Variants in TMPRSS15 observed in about 807,000 individuals in gnomAD.
TMPRSS15 encodes the protein transmembrane serine protease 15.
Under a neutral mutation model 125.3 loss-of-function variants are expected in TMPRSS15, and 128 were observed. That is an observed-to-expected ratio of 1.02 (90% CI 0.89 to 1.18). The LOEUF is 1.18. Ranked by LOEUF, TMPRSS15 falls within the 50% of genes most tolerant of loss-of-function variation. The pLI, the probability that TMPRSS15 is intolerant of heterozygous loss-of-function variation, is 0.00. For missense variants in TMPRSS15, 1,283 were observed against 1,212.7 expected, an observed-to-expected ratio of 1.06 and a Z score of -0.86; for synonymous variants, 446 against 423.2, an observed-to-expected ratio of 1.05 and a Z score of -0.66.
intron 10 of TMPRSS15, among the ~76,000 whole-genome samples, chr21:18,351,121 C>T (rs1482673721): frequency 6.6e-6 from 1 of 151,978 alleles, no homozygotes; most frequent in African/African-American, 2.4e-5. Context: ...CTAAATGTCA[C>T]TCACAATTTA....
intron 16 of TMPRSS15, among the ~76,000 whole-genome samples, chr21:18,318,336 C>T (rs1293859030): frequency 2.6e-5 from 4 of 152,114 alleles, no homozygotes; most frequent in Non-Finnish European, 5.9e-5. Flanking sequence ...CTGAAGAGCT[C>T]ACAAGTCTGT....
intron 1 of TMPRSS15, among the ~76,000 whole-genome samples, chr21:18,444,971 G>A (rs971080582): frequency 3.3e-5 from 5 of 151,992 alleles, no homozygotes; most frequent in African/African-American, 7.2e-5. Flanking sequence ...AAGTAGTTGC[G>A]GTTTTTGCCA....
chr21:18,438,091 G>A (rs991872282), intron 1 of TMPRSS15, among the ~76,000 whole-genome samples: 16 of 151,138 alleles, frequency 1.1e-4, no homozygotes, highest in African/African-American at 2.7e-4. Context: ...GTCCAACAAC[G>A]ATAGACTGGA....
chr21:18,468,939 G>C (rs919096899), intron 1 of TMPRSS15, among the ~76,000 whole-genome samples: 1 of 152,168 alleles, frequency 6.6e-6, no homozygotes, highest in Non-Finnish European at 1.5e-5. Context: ...CGCAGGCGTA[G>C]TCATAAGTTA....
chr21:18,356,255 A>C (rs1427407312), intron 8 of TMPRSS15, among the ~76,000 whole-genome samples: 2 of 151,876 alleles, frequency 1.3e-5, no homozygotes, highest in Admixed American at 6.6e-5. Flanking sequence ...TGGACGGGGA[A>C]GACCAACTTT....
chr21:18,397,755 T>A (rs2076053231), intron 3 of TMPRSS15, 124 bp downstream of exon 3: 1 of 567,668 alleles, frequency 1.8e-6, no homozygotes, highest in Non-Finnish European at 3.2e-6. Context: ...CTTTGCTTAA[T>A]CCTCAAAAAA....
rs2075624899 is a variant in TMPRSS15 at position 18,356,371 on chromosome 21, C to A, written c.881-2508G>T. On this transcript the variant is annotated intron_variant, in intron 8 of 24. Transcript: ENST00000284885. Reference sequence around the variant, plus strand: ...TACCATCTTTATTATAAAATAATTTCTAATATATTCAACACGTCTTAGTGA... The same window carrying A: ...TACCATCTTTATTATAAAATAATTTATAATATATTCAACACGTCTTAGTGA... Among the ~76,000 whole-genome samples, 4 of 151,702 alleles carry A rather than the reference C, an allele frequency of 2.6e-5. No homozygotes were observed. In the Admixed American group the frequency reaches 2.6e-4, roughly 10 times the overall value.
intron 8 of TMPRSS15, among the ~76,000 whole-genome samples, chr21:18,355,780 G>T (rs2075618911): frequency 6.6e-6 from 1 of 151,784 alleles, no homozygotes. Flanking sequence ...TCTGTCTTTT[G>T]CTTCTCTATC....
At chr21:18,359,243 A>T (rs2075655416) in intron 8 of TMPRSS15, among the ~76,000 whole-genome samples, 1 of 152,038 alleles carries the variant, frequency 6.6e-6, no homozygotes, top group African/African-American at 2.4e-5. Flanking sequence ...ATAAATGGTT[A>T]TATAGTAACA....
chr21:18,388,634 G>T (rs2066310741), intron 3 of TMPRSS15, among the ~76,000 whole-genome samples: 1 of 152,116 alleles, frequency 6.6e-6, no homozygotes, highest in African/African-American at 2.4e-5. Context: ...CTTAAAGGAG[G>T]TTAAAGCCTT....
Position 18,398,248 on chromosome 21 carries a change from T to G in TMPRSS15, c.227A>C (p.Asp76Ala), listed in dbSNP as rs1413595484. 1.1e-5 allele frequency: 18 copies of G among 1,613,736 alleles called. No individual in the cohort carries two copies. The highest frequency in any genetic ancestry group is 1.1e-5 in the Non-Finnish European group (13 of 1,179,798). The change falls in exon 2 of 25, where the codon GAC becomes GCC. Residue 76 changes from aspartate (D) to alanine (A), a missense_variant. Physicochemically the swap from Asp to Ala is moderately radical, Grantham distance 126. Transcript: ENST00000284885. Reference sequence around the variant, plus strand: ...AACTTTGAAATCCACTGAGAGTTTGTCTTGCAAATTAGGATTATATGTAAC... The same window carrying G: ...AACTTTGAAATCCACTGAGAGTTTGGCTTGCAAATTAGGATTATATGTAAC... The part of the protein sequence containing the change: ...SGVTYNPNLQ[D>A]KLSVDFKVLA...
intron 3 of TMPRSS15, among the ~76,000 whole-genome samples, chr21:18,392,067 A>G (rs1036091261): frequency 3.9e-5 from 6 of 151,946 alleles, no homozygotes; most frequent in African/African-American, 1.2e-4. Context: ...TCCACAAACC[A>G]TTTTTCCTCC....
At chr21:18,317,814 CATTCT>C (rs1569004133) in intron 16 of TMPRSS15, among the ~76,000 whole-genome samples, 3 of 82,518 alleles carry the variant, frequency 3.6e-5, no homozygotes, top group African/African-American at 1.5e-4. Flanking sequence ...CATCCCATCC[CATTCT>C]ATCCTATCCC....
At chr21:18,322,091 C>T (rs555276911) in intron 16 of TMPRSS15, among the ~76,000 whole-genome samples, 4 of 152,182 alleles carry the variant, frequency 2.6e-5, no homozygotes, top group East Asian at 3.9e-4. Flanking sequence ...GTGTCTTTTG[C>T]GTTGAGAGAA....
intron 13 of TMPRSS15, among the ~76,000 whole-genome samples, chr21:18,340,962 T>A (rs1315060972): frequency 6.6e-6 from 1 of 152,204 alleles, no homozygotes; most frequent in Non-Finnish European, 1.5e-5. Context: ...CTCCATTTGG[T>A]TTATATTTTG....
intron 7 of TMPRSS15, among the ~76,000 whole-genome samples, chr21:18,360,450 G>T (rs532177527): frequency 7.6e-4 from 116 of 152,182 alleles, no homozygotes; most frequent in Non-Finnish European, 1.2e-3. Flanking sequence ...GCTGGATCAG[G>T]TGGGAATTCT....
intron 15 of TMPRSS15, among the ~76,000 whole-genome samples, chr21:18,328,493 T>A (rs1403146879): frequency 1.3e-5 from 2 of 152,162 alleles, no homozygotes; most frequent in Non-Finnish European, 2.9e-5. Context: ...GTCCTTAGCT[T>A]CTAGTCTCCA....
chr21:18,403,736 G>A lies in TMPRSS15; in HGVS notation c.-114C>T. The A allele has an allele frequency of 1.5e-6, 2 of 1,307,260 alleles. No homozygotes were observed. The highest frequency in any genetic ancestry group is 2.2e-6 in the Non-Finnish European group (2 of 925,550). 81.0% of individuals were successfully genotyped at this position (1,307,260 alleles called of 1,614,324 possible). On this transcript the variant is annotated 5_prime_UTR_variant, in exon 1 of 25. Transcript: ENST00000284885. ...AAGATGTGTAAAGCAACAACCACCTGTCTACATGCATACCAGTCAGTGTAA... is the reference window on the plus strand; with the variant it reads ...AAGATGTGTAAAGCAACAACCACCTATCTACATGCATACCAGTCAGTGTAA...
At chr21:18,435,598 TG>T (rs1418293757) in intron 1 of TMPRSS15, among the ~76,000 whole-genome samples, 2 of 152,152 alleles carry the variant, frequency 1.3e-5, no homozygotes, top group Non-Finnish European at 2.9e-5. Flanking sequence ...TTCTCTTTTT[TG>T]GTTGTGTCTC....
Sources: gnomAD v4.1 joint callset for allele counts (sites outside exome capture counted in the v4.1 genomes callset) on GRCh38, gnomAD v4.1.1 for gene constraint, MANE v1.5 for transcripts, NCBI Gene and HGNC (gene_info 2026-07-23, HGNC 2026-07-21) for gene names.